The following GHR variants were observed in gnomAD, a reference collection of about 807,000 sequenced individuals.
GHR encodes the protein GH receptor.
Under a neutral mutation model 67.1 loss-of-function variants are expected in GHR, and 35 were observed. The ratio of observed to expected loss-of-function variants is 0.52; its 90% CI spans 0.40 to 0.69. The LOEUF is 0.69. GHR is among the 30% of genes least tolerant of loss of function. The pLI is 0.00. For missense variants in GHR, 792 were observed against 764.6 expected (o/e 1.04, Z -0.42); for synonymous variants, 272 against 269.1 (o/e 1.01, Z -0.10).
At chr5:42,509,183 T>A (rs576497027) in intron 1 of GHR, among the ~76,000 whole-genome samples, 1 of 152,204 alleles carries the variant, frequency 6.6e-6, no homozygotes, top group African/African-American at 2.4e-5. Context: ...CTGCTTTCCA[T>A]CTATACCCTG....
At chr5:42,573,543 C>G (rs1380947433) in intron 2 of GHR, among the ~76,000 whole-genome samples, 2 of 151,656 alleles carry the variant, frequency 1.3e-5, no homozygotes, top group East Asian at 3.9e-4. Context: ...CCCCCTGACA[C>G]CACCTTTATC....
intron 1 of GHR, among the ~76,000 whole-genome samples, chr5:42,462,438 G>C (rs1327975024): frequency 6.6e-6 from 1 of 151,944 alleles, no homozygotes; most frequent in Non-Finnish European, 1.5e-5. Context: ...AGTTGCAAGG[G>C]GAAAACAAAA....
chr5:42,705,520 C>T lies in GHR; in HGVS notation c.618+5518C>T, dbSNP rs1475385405. ...TCATCACCAGGTAATAAGCATAGTACCCAGAAGGTAGTTTTTTGATCTTCA... is the reference window on the plus strand; with the variant it reads ...TCATCACCAGGTAATAAGCATAGTATCCAGAAGGTAGTTTTTTGATCTTCA... On this transcript the variant is annotated intron_variant, in intron 6 of 9. Coordinates refer to ENST00000230882, the MANE Select transcript of GHR (RefSeq NM_000163.5). Among the ~76,000 whole-genome samples the T allele has an allele frequency of 7.2e-5, 11 of 152,116 alleles. No homozygotes were observed. In the East Asian group the frequency reaches 7.7e-4, roughly 11 times the overall value.
intron 3 of GHR, among the ~76,000 whole-genome samples, chr5:42,668,182 G>C: frequency 6.6e-6 from 1 of 152,148 alleles, no homozygotes; most frequent in African/African-American, 2.4e-5. Flanking sequence ...AAAAATGCAA[G>C]ATATTTTTCT....
intron 3 of GHR, among the ~76,000 whole-genome samples, chr5:42,661,219 G>A (rs1330806972): frequency 6.6e-6 from 1 of 152,136 alleles, no homozygotes; most frequent in Non-Finnish European, 1.5e-5. Context: ...ATCTAGCAAG[G>A]CAGGCCAACA....
chr5:42,687,965 A>G (rs562592589), intron 3 of GHR, among the ~76,000 whole-genome samples: 1 of 152,346 alleles, frequency 6.6e-6, no homozygotes, highest in East Asian at 1.9e-4. Flanking sequence ...GCACATCTAT[A>G]CATTTCATAG....
At chr5:42,552,746 C>A (rs758554464) in intron 1 of GHR, among the ~76,000 whole-genome samples, 17 of 152,068 alleles carry the variant, frequency 1.1e-4, no homozygotes, top group East Asian at 3.9e-4. Flanking sequence ...ATCAGAAGGT[C>A]ATTTGACAAC....
chr5:42,626,234 A>G (rs945752197), intron 2 of GHR, among the ~76,000 whole-genome samples: 4 of 152,198 alleles, frequency 2.6e-5, no homozygotes, highest in Admixed American at 2.0e-4. Flanking sequence ...CCACAGGTTT[A>G]CGGCTCATTC....
At chr5:42,448,573 C>CTAT (rs56084873) in intron 1 of GHR, among the ~76,000 whole-genome samples, 52,233 of 143,890 alleles carry the variant, frequency 0.36, 10,130 homozygotes, top group East Asian at 0.62. Flanking sequence ...TATCTGTTTA[C>CTAT]TATTATTATT....
At chr5:42,624,103 C>T (rs1004005238) in intron 2 of GHR, among the ~76,000 whole-genome samples, 3 of 152,100 alleles carry the variant, frequency 2.0e-5, no homozygotes, top group African/African-American at 7.2e-5. Flanking sequence ...TTTTATGTCT[C>T]GATTCATTAC....
intron 1 of GHR, among the ~76,000 whole-genome samples, chr5:42,505,324 C>T (rs1479452450): frequency 6.6e-6 from 1 of 151,594 alleles, no homozygotes; most frequent in Non-Finnish European, 1.5e-5. Flanking sequence ...ATTTTTTGCG[C>T]ATTTTGCTGC....
At position 42,638,617 on chromosome 5, in the gene GHR, A is replaced by G. The variant is rs904819644; in HGVS notation, c.136+9514A>G. 4.6e-5 allele frequency among the ~76,000 whole-genome samples: 7 copies of G among 152,224 alleles called. No individual in the cohort carries two copies. In the East Asian group the frequency reaches 7.7e-4, roughly 17 times the overall value. ...TTATGTATCTAAACATAGAAAATGTACAGTAAACATATAGTATTGTAATCG... is the reference window on the plus strand; with the variant it reads ...TTATGTATCTAAACATAGAAAATGTGCAGTAAACATATAGTATTGTAATCG... On this transcript the variant is annotated intron_variant, in intron 3 of 9. Coordinates refer to ENST00000230882, the MANE Select transcript of GHR (RefSeq NM_000163.5).
intron 6 of GHR, among the ~76,000 whole-genome samples, chr5:42,710,153 T>C (rs1758384380): frequency 6.6e-6 from 1 of 152,112 alleles, no homozygotes; most frequent in African/African-American, 2.4e-5. Context: ...CAGAGGCTTC[T>C]ATAAAAAATA....
chr5:42,584,725 G>GCATAT (rs1484115960), intron 2 of GHR, among the ~76,000 whole-genome samples: 1 of 151,684 alleles, frequency 6.6e-6, no homozygotes, highest in East Asian at 1.9e-4. Flanking sequence ...TCTTAGTATT[G>GCATAT]CATATCATTA....
intron 2 of GHR, among the ~76,000 whole-genome samples, chr5:42,568,843 GTACTGA>G (rs1750102256): frequency 6.6e-6 from 1 of 152,214 alleles, no homozygotes; most frequent in African/African-American, 2.4e-5. Context: ...CAAATTCAGT[GTACTGA>G]TAATTCTTAA....
intron 1 of GHR, among the ~76,000 whole-genome samples, chr5:42,447,640 T>C (rs984014221): frequency 4.7e-5 from 7 of 149,856 alleles, no homozygotes; most frequent in South Asian, 2.1e-4. Flanking sequence ...CTCTTTCCTT[T>C]CTTCCTTCCT....
chr5:42,597,178 G>A (rs1435898052), intron 2 of GHR, among the ~76,000 whole-genome samples: 1 of 152,106 alleles, frequency 6.6e-6, no homozygotes, highest in African/African-American at 2.4e-5. Flanking sequence ...AGTTACCAAT[G>A]TGATTGAAAG....
rs1350154334 is a variant in GHR, at chr5:42,540,234, T to C, written c.-11-25630T>C. Among the ~76,000 whole-genome samples, 4 of 152,052 alleles carry C rather than the reference T, an allele frequency of 2.6e-5. No homozygotes were observed. The East Asian group carries it at 7.8e-4, about 30-fold the overall frequency. On this transcript the variant is annotated intron_variant, in intron 1 of 9. Transcript: ENST00000230882. ...CTCTCTCTCTCTGTATCTCTCTTCC[T>C]CTCTTCATCTCTCTTCTGCAACATC...
In GHR at chr5:42,719,296, T is replaced by C; in HGVS notation, c.1789T>C (p.Ser597Pro). ...TGAGATGCCTGTCCCAGACTATACC[T>C]CCATTCATATAGTACAGTCCCCACA... Reference protein sequence around the residue: ...GSEMPVPDYTSIHIVQSPQGL... With the variant: ...GSEMPVPDYTPIHIVQSPQGL... Residue 597 changes from serine (S) to proline (P), a missense_variant, in exon 10 of 10, where the codon TCC becomes CCC. Coordinates refer to ENST00000230882, the MANE Select transcript of GHR (RefSeq NM_000163.5). 6.2e-7 allele frequency: 1 copy of C among 1,614,092 alleles called. No homozygotes were observed. The highest frequency in any genetic ancestry group is 8.5e-7 in the Non-Finnish European group (1 of 1,179,968).
Sources: gnomAD v4.1 joint callset for allele counts (sites outside exome capture counted in the v4.1 genomes callset) on GRCh38, gnomAD v4.1.1 for gene constraint, MANE v1.5 for transcripts, NCBI Gene and HGNC (gene_info 2026-07-23, HGNC 2026-07-21) for gene names.